GRB10: variants seen among roughly 807,000 people sequenced by gnomAD.
The protein encoded by GRB10 is growth factor receptor bound protein 10, also known as growth factor receptor-bound protein 10.
In GRB10, 20 loss-of-function variants were observed where a neutral mutation model predicts 80.9. The ratio of observed to expected loss-of-function variants is 0.25; its 90% confidence interval spans 0.17 to 0.36. GRB10 has a LOEUF of 0.36. Among genes scored for constraint, GRB10 ranks in the 10% least tolerant of loss-of-function variants. The pLI, the probability that GRB10 is intolerant of heterozygous loss-of-function variation, is 1.00. For synonymous variants in GRB10, 291 were observed against 291.5 expected (o/e 1.00, Z 0.02); for missense variants, 548 against 747.7 (o/e 0.73, Z 3.12).
chr7:50,707,200 G>GTA (rs1474234721), intron 4 of GRB10, among the ~76,000 whole-genome samples: 1 of 152,220 alleles, frequency 6.6e-6, no homozygotes. Context: ...CTGACTTGAT[G>GTA]TATTACTCTT....
At chr7:50,739,830 C>T (rs1264594813) in intron 3 of GRB10, among the ~76,000 whole-genome samples, 1 of 152,162 alleles carries the variant, frequency 6.6e-6, no homozygotes, top group East Asian at 1.9e-4. Flanking sequence ...GGCCCACTGG[C>T]CTTTCTCTTT....
At chr7:50,628,564 TGGGGG>T (rs2053420846) in intron 7 of GRB10, among the ~76,000 whole-genome samples, 2 of 38,846 alleles carry the variant, frequency 5.1e-5, no homozygotes, top group South Asian at 8.4e-4. Flanking sequence ...AGTGCCCAGG[TGGGGG>T]TGGTGGGGGT....
chr7:50,785,569 A>G (rs2078659044), upstream of GRB10, among the ~76,000 whole-genome samples: 1 of 152,194 alleles, frequency 6.6e-6, no homozygotes, highest in African/African-American at 2.4e-5. Flanking sequence ...TGTCTGGAGG[A>G]CTGGGAGCTC....
At chr7:50,753,053 C>T (rs1026982866) in intron 3 of GRB10, among the ~76,000 whole-genome samples, 5 of 152,164 alleles carry the variant, frequency 3.3e-5, no homozygotes, top group East Asian at 1.9e-4. Flanking sequence ...CAGTGAGCAG[C>T]GAAGGACAGT....
intron 2 of GRB10, chr7:50,779,735 C>G (rs568405669): frequency 1.3e-5 from 2 of 152,420 alleles, no homozygotes; most frequent in African/African-American, 4.8e-5. Flanking sequence ...CTCAAGCCAC[C>G]AGGACTACCT....
intron 17 of GRB10, among the ~76,000 whole-genome samples, chr7:50,601,895 T>C (rs1367911055): frequency 6.6e-6 from 1 of 152,210 alleles, no homozygotes; most frequent in Non-Finnish European, 1.5e-5. Context: ...ATACATCTTG[T>C]CACCCCAAAA....
chr7:50,764,838 A>G (rs1190281010), intron 2 of GRB10, among the ~76,000 whole-genome samples: 2 of 152,212 alleles, frequency 1.3e-5, no homozygotes, highest in Admixed American at 6.5e-5. Context: ...CTGCCGTAAA[A>G]AGGGGAAAGC....
chr7:50,673,598 A>T (rs1221147221), intron 6 of GRB10, among the ~76,000 whole-genome samples: 2 of 151,924 alleles, frequency 1.3e-5, no homozygotes, highest in Non-Finnish European at 2.9e-5. Context: ...ATCCTCAGGC[A>T]GCGCACAATC....
At chr7:50,734,419 G>A (rs552691990) in intron 3 of GRB10, among the ~76,000 whole-genome samples, 66 of 151,696 alleles carry the variant, frequency 4.4e-4, no homozygotes, top group African/African-American at 1.4e-3. Flanking sequence ...CACCTTGCCC[G>A]CTGGGTGACA....
intron 11 of GRB10, 51 bp from the exon 12 acceptor site, chr7:50,614,931 G>A (rs1428092596): frequency 8.5e-7 from 1 of 1,171,506 alleles, no homozygotes; most frequent in Non-Finnish European, 1.3e-6. Flanking sequence ...AAGAGCAAAT[G>A]TGTTCACCTC....
chr7:50,768,707 T>C (rs2076643639), intron 2 of GRB10, among the ~76,000 whole-genome samples: 1 of 152,194 alleles, frequency 6.6e-6, no homozygotes, highest in Non-Finnish European at 1.5e-5. Context: ...CAGAAGCAGC[T>C]TGTGGCAAGC....
intron 8 of GRB10, among the ~76,000 whole-genome samples, chr7:50,621,079 A>G (rs550155186): frequency 4.3e-4 from 65 of 152,354 alleles, no homozygotes; most frequent in African/African-American, 1.5e-3. Flanking sequence ...GTCTCCAAAG[A>G]ACCCTGAGGA....
intron 1 of GRB10, chr7:50,793,091 G>A (rs994489068): frequency 6.2e-4 from 90 of 144,010 alleles, no homozygotes; most frequent in African/African-American, 2.2e-3. Flanking sequence ...CCTCCGCGGG[G>A]CCCGGCGTCC....
intron 1 of GRB10, among the ~76,000 whole-genome samples, chr7:50,790,954 GTAGACACAGACA>G (rs1324543371): frequency 6.6e-6 from 1 of 152,206 alleles, no homozygotes; most frequent in Non-Finnish European, 1.5e-5. Flanking sequence ...TGGAGGCTGA[GTAGACACAGACA>G]TAGCTCTTTA....
Position 50,674,552 on chromosome 7 carries a change from A to C in GRB10, c.246T>G (p.Asn82Lys), listed in dbSNP as rs767663204. Reference protein sequence around the residue: ...MQSDTVPLLQNGQHARSQPRA... With the variant: ...MQSDTVPLLQKGQHARSQPRA... ...GAGGCTGGCTGCGGGCATGCTGGCC[A>C]TTCTGCAGGAGGGGCACCGTGTCTG... is the stretch of plus-strand genomic sequence containing the variant. Residue 82 changes from asparagine (N) to lysine (K), a missense_variant, in exon 6 of 19, where the codon AAT becomes AAG. Around this residue, in one of 4 missense-constraint regions of GRB10, gnomAD observed 245 missense variants for 229.3 expected, o/e 1.07. Coordinates refer to ENST00000401949, the MANE Select transcript of GRB10 (RefSeq NM_001350814.2). The C allele has an allele frequency of 1.2e-6, 2 of 1,612,312 alleles. No homozygotes were observed. The highest frequency in any genetic ancestry group is 1.7e-6 in the Non-Finnish European group (2 of 1,179,996).
chr7:50,658,942 G>C (rs1278075273), intron 7 of GRB10, among the ~76,000 whole-genome samples: 1 of 152,348 alleles, frequency 6.6e-6, no homozygotes, highest in South Asian at 2.1e-4. Context: ...GCGGTCCCTA[G>C]AGAGCTGTGA....
chr7:50,767,043 G>A (rs888246390), intron 2 of GRB10, among the ~76,000 whole-genome samples: 1 of 152,102 alleles, frequency 6.6e-6, no homozygotes, highest in African/African-American at 2.4e-5. Flanking sequence ...ACTGACACAG[G>A]GTATGGACAC....
intron 7 of GRB10, among the ~76,000 whole-genome samples, chr7:50,669,128 A>G (rs554473720): frequency 6.6e-6 from 1 of 152,368 alleles, no homozygotes; most frequent in East Asian, 1.9e-4. Flanking sequence ...CAAAGAACTA[A>G]GATTCATCTT....
chr7:50,727,266 C>T (rs2068800398), intron 4 of GRB10: 1 of 152,124 alleles, frequency 6.6e-6, no homozygotes, highest in Non-Finnish European at 1.5e-5. Context: ...AATCACCCTC[C>T]CCTCTACTTG....
Sources: gnomAD v4.1 joint callset for allele counts (sites outside exome capture counted in the v4.1 genomes callset) on GRCh38, gnomAD v4.1.1 for gene constraint, gnomAD v4.1.1 regional missense constraint, MANE v1.5 for transcripts, NCBI Gene and HGNC (gene_info 2026-07-23, HGNC 2026-07-21) for gene names.